Variants in PDE4A observed in about 807,000 individuals in gnomAD.
PDE4A encodes phosphodiesterase 4A.
In PDE4A, 21 loss-of-function variants were observed where a neutral mutation model predicts 73.9. That is an observed-to-expected ratio of 0.28 (90% CI 0.20 to 0.41). PDE4A has a LOEUF of 0.41. PDE4A is among the 10% of genes least tolerant of loss of function. The pLI is 1.00. For missense variants in PDE4A, 958 were observed against 1,211.4 expected (o/e 0.79, Z 3.10); for synonymous variants, 463 against 505.4 (o/e 0.92, Z 1.13).
At chr19:10,433,668 C>A (rs1271945325) in intron 1 of PDE4A, among the ~76,000 whole-genome samples, 2 of 152,220 alleles carry the variant, frequency 1.3e-5, no homozygotes, top group Non-Finnish European at 2.9e-5. Flanking sequence ...CCCTCTCCCC[C>A]AGTCTCTTAC....
At chr19:10,416,977 G>T (rs748540108), upstream of PDE4A, 1 of 1,542,172 alleles carries the variant, frequency 6.5e-7, no homozygotes, top group Non-Finnish European at 8.7e-7. Flanking sequence ...TCCGTGGCAG[G>T]GACCGGGGAC....
chr19:10,464,227 A>G (rs2043326402), intron 14 of PDE4A, among the ~76,000 whole-genome samples: 2 of 151,796 alleles, frequency 1.3e-5, no homozygotes, highest in Non-Finnish European at 2.9e-5. Context: ...CCTCCCAAGT[A>G]TCTGGGATTA....
upstream of PDE4A, chr19:10,420,402 C>G: frequency 3.1e-6 from 3 of 975,074 alleles, no homozygotes; most frequent in Non-Finnish European, 3.7e-6. This position sits in a 1 kb window ranked among gnomAD's most constrained non-coding sequence, Gnocchi z 6.0. Flanking sequence ...GTAGCTGCCC[C>G]CCGCTGGCCC....
intron 1 of PDE4A, among the ~76,000 whole-genome samples, chr19:10,421,531 G>A (rs1311628159): frequency 1.3e-5 from 2 of 152,122 alleles, no homozygotes; most frequent in African/African-American, 4.8e-5. Flanking sequence ...TTCAGGGTGG[G>A]GTGCTCTCAG....
intron 14 of PDE4A, among the ~76,000 whole-genome samples, chr19:10,464,762 G>C (rs977293634): frequency 2.6e-5 from 4 of 151,300 alleles, no homozygotes; most frequent in African/African-American, 9.7e-5. Flanking sequence ...GTGCCACCCA[G>C]GCTGGAGTGC....
intron 7 of PDE4A, 113 bp downstream of exon 7, chr19:10,455,035 C>A: frequency 1.0e-6 from 1 of 992,958 alleles, no homozygotes; most frequent in East Asian, 2.6e-5. Context: ...TGACTCTCAA[C>A]TCCCCAAAGG....
Position 10,467,186 on chromosome 19 carries a change from C to G in PDE4A, c.2226C>G (p.Val742=). The change falls in exon 15 of 15, where the codon GTC becomes GTG. Residue 742 remains valine (V), a synonymous_variant. Coordinates refer to ENST00000380702, the MANE Select transcript of PDE4A (RefSeq NM_001111307.2). ...EALTAQGLSG[V]EEALDATIAW... is the part of the protein sequence containing the mutation. ...TGACTGCGCAGGGATTGTCAGGAGT[C>G]GAGGAAGCTCTGGATGCAACCATAG... 5 of 1,614,052 alleles carry G rather than the reference C, an allele frequency of 3.1e-6. No individual in the cohort carries two copies. Among genetic ancestry groups the G allele is most frequent in the Non-Finnish European group, 4.2e-6 (5 of 1,179,994 alleles).
chr19:10,461,408 G>A, intron 11 of PDE4A, 118 bp from the exon 12 acceptor site: 1 of 1,535,452 alleles, frequency 6.5e-7, no homozygotes, highest in Non-Finnish European at 8.7e-7. Flanking sequence ...GAGCTGACTG[G>A]GCTGGAGGCG....
intron 1 of PDE4A, among the ~76,000 whole-genome samples, chr19:10,428,503 TC>T (rs1427487937): frequency 6.6e-6 from 1 of 152,188 alleles, no homozygotes; most frequent in East Asian, 1.9e-4. Flanking sequence ...ATCATCATCA[TC>T]TATACCCTCT....
At chr19:10,420,075 A>T (rs547276424), upstream of PDE4A, 1 of 152,430 alleles carries the variant, frequency 6.6e-6, no homozygotes, top group East Asian at 1.9e-4. The surrounding 1 kb of genome is among the most constrained non-coding windows in gnomAD (Gnocchi z 6.0). Flanking sequence ...CACAGACAGG[A>T]GATCCCACAC....
At chr19:10,456,890 C>G (rs1000254303) in intron 7 of PDE4A, among the ~76,000 whole-genome samples, 3 of 152,058 alleles carry the variant, frequency 2.0e-5, no homozygotes, top group African/African-American at 7.2e-5. Context: ...CGGGAACCGC[C>G]CAGACAAGCT....
intron 13 of PDE4A, 73 bp from the exon 14 acceptor site, chr19:10,463,720 G>T: frequency 6.3e-7 from 1 of 1,584,268 alleles, no homozygotes; most frequent in African/African-American, 1.3e-5. Flanking sequence ...TAAAAAAGAA[G>T]GAATGCCTGA....
rs892863858 is a variant in PDE4A at position 10,446,371 on chromosome 19, C to G, written c.474C>G (p.Pro158=). The part of the protein sequence containing the change: ...YRSDSDYDMS[P]KTMSRNSSVT... ...CAGACAGCGACTATGACATGTCACCCAAGACCATGTCCCGGAACTCATCGG... is the reference window on the plus strand; with the variant it reads ...CAGACAGCGACTATGACATGTCACCGAAGACCATGTCCCGGAACTCATCGG... Residue 158 remains proline, a synonymous_variant, in exon 2 of 15, where the codon CCC becomes CCG. Transcript: ENST00000380702. 5.0e-6 allele frequency: 8 copies of G among 1,613,476 alleles called. No individual in the cohort carries two copies. In the East Asian group the frequency reaches 1.6e-4, roughly 31 times the overall value.
chr19:10,417,956 A>C, upstream of PDE4A: 3 of 1,401,724 alleles, frequency 2.1e-6, no homozygotes, highest in South Asian at 2.6e-5. Flanking sequence ...CCCGATCTCC[A>C]TGCTCCCTGC....
chr19:10,466,753 C>A, intron 14 of PDE4A, 134 bp from the exon 15 acceptor site: 1 of 1,405,626 alleles, frequency 7.1e-7, no homozygotes, highest in Non-Finnish European at 9.5e-7. Context: ...CTCAGCCTCC[C>A]AAAGTGCTGG....
chr19:10,437,135 T>TTTTG lies in PDE4A; in HGVS notation c.321-9071_321-9068dup, dbSNP rs571508166. Among the ~76,000 whole-genome samples the TTTTG allele has an allele frequency of 4.9e-3, 748 of 152,216 alleles. 4 individuals are homozygous for TTTTG. The highest frequency in any genetic ancestry group is 8.2e-3 in the Non-Finnish European group (558 of 68,012). On this transcript the variant is annotated intron_variant, in intron 1 of 14. Coordinates refer to ENST00000380702, the MANE Select transcript of PDE4A (RefSeq NM_001111307.2). ...CCTTAAGAACCTTAAGAGTGGCTTT[T>TTTTG]TTTGTTTGTTTGTTTTTTGAGACTA...
intron 6 of PDE4A, among the ~76,000 whole-genome samples, chr19:10,454,146 C>T (rs2043135961): frequency 6.6e-6 from 1 of 152,164 alleles, no homozygotes; most frequent in African/African-American, 2.4e-5. Context: ...TGCATCTGTC[C>T]ACCCTTCTGG....
Position 10,446,394 on chromosome 19 carries a change from C to T in PDE4A, c.497C>T (p.Ser166Leu), listed in dbSNP as rs760467814. 13 of 1,606,400 alleles carry T rather than the reference C, an allele frequency of 8.1e-6. No homozygotes were observed. Among genetic ancestry groups the T allele is most frequent in the East Asian group, 2.2e-5 (1 of 44,560 alleles). ...CCCAAGACCATGTCCCGGAACTCATCGGTCACCAGCGAGGCGTGAGCATCC... is the reference window on the plus strand; with the variant it reads ...CCCAAGACCATGTCCCGGAACTCATTGGTCACCAGCGAGGCGTGAGCATCC... ...MSPKTMSRNSSVTSEAHAEDL... is the reference protein window; with the variant it reads ...MSPKTMSRNSLVTSEAHAEDL... The change falls in exon 2 of 15, where the codon TCG becomes TTG. Residue 166 changes from serine (S) to leucine (L), a missense_variant. Physicochemically the swap from Ser to Leu is moderately radical, Grantham distance 145. This residue lies in a region of PDE4A where 570 missense variants were observed against 827.7 expected (regional missense o/e 0.69). Coordinates refer to ENST00000380702, the MANE Select transcript of PDE4A (RefSeq NM_001111307.2).
At chr19:10,445,671 G>A (rs1568373815) in intron 1 of PDE4A, among the ~76,000 whole-genome samples, 1 of 151,312 alleles carries the variant, frequency 6.6e-6, no homozygotes, top group Non-Finnish European at 1.5e-5. Flanking sequence ...AGGAGGCTGA[G>A]GCAGAAAAAT....
Sources: allele counts gnomAD v4.1 joint callset (sites outside exome capture counted in the v4.1 genomes callset), GRCh38; gene constraint gnomAD v4.1.1; regional missense constraint gnomAD v4.1.1; non-coding constraint Gnocchi (gnomAD v3.1); transcripts MANE v1.5; gene names NCBI Gene and HGNC (gene_info 2026-07-23, HGNC 2026-07-21).